Variants in ETHE1 observed in about 807,000 individuals in gnomAD.
ETHE1 encodes the protein persulfide dioxygenase ETHE1, mitochondrial.
ETHE1 carries 16 observed loss-of-function variants against 25.7 expected under a neutral mutation model. That is an observed-to-expected ratio of 0.62 (90% CI 0.42 to 0.95). The LOEUF (loss-of-function observed/expected upper bound fraction) is 0.95, where lower values mean the gene tolerates loss of function less well. ETHE1 is among the 40% of genes least tolerant of loss of function. The pLI is 0.00. For synonymous variants in ETHE1, 139 were observed against 135.9 expected, an observed-to-expected ratio of 1.02 and a Z score of -0.16; for missense variants, 300 against 333.6, an observed-to-expected ratio of 0.90 and a Z score of 0.79.
At chr19:43,524,911 A>G (rs998282010) in intron 3 of ETHE1, among the ~76,000 whole-genome samples, 1 of 152,082 alleles carries the variant, frequency 6.6e-6, no homozygotes, top group Admixed American at 6.6e-5. Context: ...TTAGGAGGCC[A>G]AGGTAGGAGG....
chr19:43,527,029 A>G, intron 1 of ETHE1, 68 bp downstream of exon 1: 1 of 1,539,942 alleles, frequency 6.5e-7, no homozygotes, highest in Middle Eastern at 1.7e-4. Context: ...CTATTAAGAG[A>G]CCCCGGAGTT....
In ETHE1 at chr19:43,518,999, G is replaced by GTTTTTTTTTTTTTTTTT. The variant is rs71169253; in HGVS notation, c.375+7185_375+7201dup. On this transcript the variant is annotated intron_variant, in intron 3 of 6. Transcript: ENST00000292147. ...CTGATGGCTGATGAAATTTGTGCTTGTTTTTTTTTTTTTTTTTTTTTTTTT... is the reference window on the plus strand; with the variant it reads ...CTGATGGCTGATGAAATTTGTGCTTGTTTTTTTTTTTTTTTTTTTTTTTTTTTTTTTTTTTTTTTTTT... 5.5e-5 allele frequency among the ~76,000 whole-genome samples: 5 copies of GTTTTTTTTTTTTTTTTT among 91,014 alleles called. 2 individuals carry two copies. The highest frequency in any genetic ancestry group is 8.1e-4 in the East Asian group (2 of 2,482). 59.7% of individuals were successfully genotyped at this position (91,014 alleles called of 152,430 possible).
rs1971776770 is a variant in ETHE1 at position 43,506,762 on chromosome 19, G to C, written c.*88C>G. 1 of 1,248,016 alleles carries C rather than the reference G, an allele frequency of 8.0e-7. No individual in the cohort carries two copies. Among genetic ancestry groups the C allele is most frequent in the African/African-American group, 1.5e-5 (1 of 67,714 alleles). The allele number at this position is 1,248,016 out of a possible 1,614,324, so 77.3% of individuals were successfully genotyped here. A position where few individuals can be genotyped will look rare whatever the true frequency, so the allele number is the denominator to read the frequency against. On this transcript the variant is annotated 3_prime_UTR_variant, in exon 7 of 7. Coordinates refer to ENST00000292147, the MANE Select transcript of ETHE1 (RefSeq NM_014297.5). ...TATTTAGGGAGCTCCAGGGAATGCG[G>C]TGGGAAAGGAGAGGTGCAGTGTCAT...
At chr19:43,524,882 G>A (rs1033738802) in intron 3 of ETHE1, among the ~76,000 whole-genome samples, 8 of 151,888 alleles carry the variant, frequency 5.3e-5, no homozygotes, top group African/African-American at 1.2e-4. Context: ...ACTTTCAGAA[G>A]CCCTGTAATC....
In ETHE1 at chr19:43,518,150, A is replaced by G. The variant is rs373705558; in HGVS notation, c.376-6584T>C. ...AAAAGAAAAGAAGGAAAAAGAAAAC[A>G]CAAACACACACACAAAAGAGACTAA... is the stretch of plus-strand genomic sequence containing the variant. On this transcript the variant is annotated intron_variant, in intron 3 of 6. Transcript: ENST00000292147. 3.3e-5 allele frequency among the ~76,000 whole-genome samples: 5 copies of G among 151,770 alleles called. No individual in the cohort carries two copies. In the East Asian group the frequency reaches 9.7e-4, roughly 29 times the overall value.
Position 43,506,725 on chromosome 19 carries a change from T to C in ETHE1, c.*125A>G, listed in dbSNP as rs1397315111. On this transcript the variant is annotated 3_prime_UTR_variant, in exon 7 of 7. Coordinates refer to ENST00000292147, the MANE Select transcript of ETHE1 (RefSeq NM_014297.5). The stretch of plus-strand genomic sequence containing the variant: ...AAATAGGTAGAAGTCAGACTCACGT[T>C]AAAAAAAGTTTTATTTAGGGAGCTC... 1 of 939,302 alleles carries C rather than the reference T, an allele frequency of 1.1e-6. No individual in the cohort carries two copies. The highest frequency in any genetic ancestry group is 1.6e-5 in the African/African-American group (1 of 61,852). The allele number at this position is 939,302 out of a possible 1,614,324, so 58.2% of individuals were successfully genotyped here.
chr19:43,516,700 A>G (rs1174303314), intron 3 of ETHE1, among the ~76,000 whole-genome samples: 2 of 138,900 alleles, frequency 1.4e-5, no homozygotes, highest in Admixed American at 1.7e-4. Flanking sequence ...ATCTCGGCTC[A>G]CTGCAACCTC....
At chr19:43,519,899 CAAT>C (rs939095925) in intron 3 of ETHE1, among the ~76,000 whole-genome samples, 1 of 151,950 alleles carries the variant, frequency 6.6e-6, no homozygotes, top group East Asian at 1.9e-4. Flanking sequence ...ATTAATAAAT[CAAT>C]AATAACTAAT....
intron 3 of ETHE1, among the ~76,000 whole-genome samples, chr19:43,518,728 G>A (rs1972074090): frequency 7.0e-6 from 1 of 143,694 alleles, no homozygotes; most frequent in Admixed American, 7.1e-5. Context: ...TCCAGCCTGG[G>A]CGACAGAGCG....
chr19:43,522,819 G>A (rs1009908143), intron 3 of ETHE1, among the ~76,000 whole-genome samples: 2 of 152,136 alleles, frequency 1.3e-5, no homozygotes, highest in African/African-American at 2.4e-5. Flanking sequence ...TTAGAACACA[G>A]CCATGCCTAT....
intron 3 of ETHE1, among the ~76,000 whole-genome samples, chr19:43,522,348 C>A (rs1033058461): frequency 1.3e-5 from 2 of 151,996 alleles, no homozygotes; most frequent in South Asian, 4.2e-4. Flanking sequence ...TCACTTGAGC[C>A]CAGGAGTTGG....
Position 43,526,658 on chromosome 19 carries a change from AT to A in ETHE1, c.82del (p.Met28CysfsTer5). On this transcript the variant is annotated frameshift_variant and splice_region_variant, in exon 2 of 7. Transcript: ENST00000292147. LOFTEE classifies it high-confidence loss of function. ...GAAGGTGCAGCTCACAGGCTCGAAC[AT>A]CTGGGAACGGGGGACCCAGGTGAGG... ...GSGAPILLRQ[M>X]FEPVSCTFTY... The A allele has an allele frequency of 6.2e-7, 1 of 1,613,484 alleles. No individual in the cohort carries two copies. The highest frequency in any genetic ancestry group is 1.1e-5 in the South Asian group (1 of 91,036).
chr19:43,511,487 G>C lies in ETHE1; in HGVS notation c.455C>G (p.Thr152Ser). Reference protein sequence around the residue: ...FVLNDHSMAFTGDALLIRGCG... With the variant: ...FVLNDHSMAFSGDALLIRGCG... ...CCCACGGATCAACAGGGCATCTCCA[G>C]TGAAGGCCATGCTGTGGTCATTCAG... Residue 152 changes from threonine (T) to serine (S), a missense_variant, in exon 4 of 7, where the codon ACT (threonine) becomes AGT (serine). Coordinates refer to ENST00000292147, the MANE Select transcript of ETHE1 (RefSeq NM_014297.5). The C allele has an allele frequency of 6.2e-7, 1 of 1,614,210 alleles. No homozygotes were observed. The highest frequency in any genetic ancestry group is 1.3e-5 in the African/African-American group (1 of 75,062).
chr19:43,525,013 G>A (rs1972211213), intron 3 of ETHE1, among the ~76,000 whole-genome samples: 2 of 151,486 alleles, frequency 1.3e-5, no homozygotes, highest in South Asian at 2.1e-4. Context: ...AGGCGTGCTG[G>A]TGCATGCCTG....
At chr19:43,523,990 C>G (rs560384182) in intron 3 of ETHE1, among the ~76,000 whole-genome samples, 266 of 151,902 alleles carry the variant, frequency 1.8e-3, no homozygotes, top group African/African-American at 6.2e-3. Context: ...AATCCCAACA[C>G]TTTGGGAGGC....
intron 4 of ETHE1, among the ~76,000 whole-genome samples, chr19:43,509,152 G>A (rs546059237): frequency 6.6e-6 from 1 of 152,324 alleles, no homozygotes; most frequent in South Asian, 2.1e-4. Context: ...CTGTCACCCA[G>A]GGGATGTCAA....
rs753671768 is a variant in ETHE1 at position 43,506,890 on chromosome 19, G to A, written c.725C>T (p.Pro242Leu). 2 of 1,613,844 alleles carry A rather than the reference G, an allele frequency of 1.2e-6. No homozygotes were observed. The highest frequency in any genetic ancestry group is 1.7e-5 in the Admixed American group (1 of 60,014). ...PKPQQIDFAV[P>L]ANMRCGVQTP... ...CTGCACCCCACAGCGCATGTTGGCT[G>A]GAACAGCAAAGTCTGAAAGGAAGAA... The change falls in exon 7 of 7, where the codon CCA becomes CTA. Residue 242 changes from proline to leucine, a missense_variant. By Grantham distance (98) the Pro-to-Leu change is moderately conservative. Coordinates refer to ENST00000292147, the MANE Select transcript of ETHE1 (RefSeq NM_014297.5).
Position 43,508,840 on chromosome 19 carries a change from G to C in ETHE1, c.530C>G (p.Ser177Trp), listed in dbSNP as rs773972765. The change falls in exon 5 of 7, where the codon TCG becomes TGG. Residue 177 changes from serine to tryptophan, a missense_variant. Physicochemically the swap from Ser to Trp is radical, Grantham distance 177 (BLOSUM62 -3). Transcript: ENST00000292147. The part of the protein sequence containing the change: ...QQGCAKTLYH[S>W]VHEKIFTLPG... ...AAGTGTGAAGATCTTTTCATGGACC[G>C]AGTGGTACAAGGTCTTGGCACAGCC... 1.9e-6 allele frequency: 3 copies of C among 1,607,846 alleles called. No individual in the cohort carries two copies. Among genetic ancestry groups the C allele is most frequent in the African/African-American group, 2.7e-5 (2 of 74,996 alleles).
Position 43,506,759 on chromosome 19 carries a change from G to A in ETHE1, c.*91C>T, listed in dbSNP as rs1438842145. On this transcript the variant is annotated 3_prime_UTR_variant, in exon 7 of 7. Coordinates refer to ENST00000292147, the MANE Select transcript of ETHE1 (RefSeq NM_014297.5). Reference sequence around the variant, plus strand: ...TTTTATTTAGGGAGCTCCAGGGAATGCGGTGGGAAAGGAGAGGTGCAGTGT... The same window carrying A: ...TTTTATTTAGGGAGCTCCAGGGAATACGGTGGGAAAGGAGAGGTGCAGTGT... 1 of 1,205,464 alleles carries A rather than the reference G, an allele frequency of 8.3e-7. No homozygotes were observed. The highest frequency in any genetic ancestry group is 1.2e-6 in the Non-Finnish European group (1 of 811,120). The allele number at this position is 1,205,464 out of a possible 1,614,324, so 74.7% of individuals were successfully genotyped here.
Sources: gnomAD v4.1 joint callset for allele counts (sites outside exome capture counted in the v4.1 genomes callset) on GRCh38, gnomAD v4.1.1 for gene constraint, MANE v1.5 for transcripts, NCBI Gene and HGNC (gene_info 2026-07-23, HGNC 2026-07-21) for gene names.